Variants in PRKAA2 observed in about 807,000 individuals in gnomAD.
The protein encoded by PRKAA2 is 5'-AMP-activated protein kinase catalytic subunit alpha-2.
PRKAA2 carries 40 observed loss-of-function variants against 56.3 expected under a neutral mutation model. That is an observed-to-expected ratio of 0.71 (90% CI 0.55 to 0.92). The LOEUF (loss-of-function observed/expected upper bound fraction) is 0.92, where lower values mean the gene tolerates loss of function less well. Among genes scored for constraint, PRKAA2 ranks in the 40% least tolerant of loss-of-function variants. PRKAA2 has a pLI of 0.00. For synonymous variants in PRKAA2, 214 were observed against 234.2 expected, an observed-to-expected ratio of 0.91 and a Z score of 0.79; for missense variants, 542 against 686.9, an observed-to-expected ratio of 0.79 and a Z score of 2.36.
chr1:56,679,315 T>A (rs1644136756), intron 2 of PRKAA2, among the ~76,000 whole-genome samples: 1 of 152,200 alleles, frequency 6.6e-6, no homozygotes, highest in Non-Finnish European at 1.5e-5. Flanking sequence ...TCTGGCCCTT[T>A]TGTTTCTCCA....
At chr1:56,677,777 C>G (rs1644123932) in intron 2 of PRKAA2, among the ~76,000 whole-genome samples, 1 of 151,838 alleles carries the variant, frequency 6.6e-6, no homozygotes, top group African/African-American at 2.4e-5. Context: ...ATGCCTCAGC[C>G]TTCCAAGTAG....
rs934990918 is a variant in PRKAA2, at chr1:56,714,021, C to T, written c.*6308C>T. The stretch of plus-strand genomic sequence containing the variant: ...TGTTTGCATCTGCCTGATTGAGTTC[C>T]CTTGGTCAAACCTCTCCCTATCACT... On this transcript the variant is annotated 3_prime_UTR_variant, in exon 9 of 9. Transcript: ENST00000371244. 2.0e-5 allele frequency: 3 copies of T among 151,986 alleles called. No individual in the cohort carries two copies. Among genetic ancestry groups the T allele is most frequent in the Non-Finnish European group, 4.4e-5 (3 of 67,984 alleles). 9.4% of individuals were successfully genotyped at this position (151,986 alleles called of 1,614,324 possible).
intron 2 of PRKAA2, among the ~76,000 whole-genome samples, chr1:56,689,111 A>T (rs1213046280): frequency 6.6e-6 from 1 of 152,082 alleles, no homozygotes; most frequent in Non-Finnish European, 1.5e-5. Flanking sequence ...GAATGTCATC[A>T]CTTCTTTTCT....
chr1:56,678,693 A>ATTTTTTTTTTTT (rs144835366), intron 2 of PRKAA2, among the ~76,000 whole-genome samples: 1 of 123,484 alleles, frequency 8.1e-6, no homozygotes, highest in Non-Finnish European at 1.7e-5. Context: ...ATCTTGTCTA[A>ATTTTTTTTTTTT]TTTTTTTTTT....
At chr1:56,663,086 T>G (rs1644007541) in intron 1 of PRKAA2, among the ~76,000 whole-genome samples, 1 of 152,000 alleles carries the variant, frequency 6.6e-6, no homozygotes. Context: ...GTTTGTTTGT[T>G]GTTTTTTGTT....
At chr1:56,669,229 C>CA (rs1163104908) in intron 1 of PRKAA2, among the ~76,000 whole-genome samples, 1 of 152,112 alleles carries the variant, frequency 6.6e-6, no homozygotes, top group African/African-American at 2.4e-5. Context: ...GAGGCTAAGG[C>CA]AGGCAGATCA....
chr1:56,705,987 G>A (rs370265954), intron 7 of PRKAA2, 105 bp from the exon 8 acceptor site: 15 of 962,652 alleles, frequency 1.6e-5, no homozygotes, highest in South Asian at 8.8e-5. Flanking sequence ...AAAATTATTC[G>A]TATTCCTTTC....
intron 1 of PRKAA2, among the ~76,000 whole-genome samples, chr1:56,654,697 A>G (rs1643926885): frequency 6.6e-6 from 1 of 152,146 alleles, no homozygotes; most frequent in African/African-American, 2.4e-5. Context: ...TATTTTTAGT[A>G]TGGTGTTATT....
chr1:56,680,827 A>C (rs1463861635), intron 2 of PRKAA2, among the ~76,000 whole-genome samples: 2 of 152,208 alleles, frequency 1.3e-5, no homozygotes, highest in African/African-American at 4.8e-5. Flanking sequence ...ATACGTGTGC[A>C]TGTGTCTTTA....
chr1:56,645,502 C>G (rs773659062), intron 1 of PRKAA2, 21 bp downstream of exon 1: 7 of 1,456,860 alleles, frequency 4.8e-6, no homozygotes, highest in African/African-American at 4.5e-5. Context: ...CGCTCCGGAC[C>G]GCTGTGCGGG....
At chr1:56,686,689 A>G (rs1414380019) in intron 2 of PRKAA2, among the ~76,000 whole-genome samples, 1 of 152,044 alleles carries the variant, frequency 6.6e-6, no homozygotes, top group Non-Finnish European at 1.5e-5. Flanking sequence ...GAATTCACTT[A>G]TTACTGAGGC....
At chr1:56,673,486 G>C (rs1299041529) in intron 1 of PRKAA2, among the ~76,000 whole-genome samples, 1 of 152,140 alleles carries the variant, frequency 6.6e-6, no homozygotes, top group Non-Finnish European at 1.5e-5. Flanking sequence ...ATGTTTTGAG[G>C]AGAGTAGTGA....
intron 8 of PRKAA2, 33 bp downstream of exon 8, chr1:56,706,251 A>C (rs1382649281): frequency 1.6e-5 from 26 of 1,596,146 alleles, no homozygotes; most frequent in Admixed American, 3.5e-5. Context: ...AGCTCTGAGA[A>C]GATAAAACTT....
At chr1:56,701,099 T>A (rs1243468918) in intron 6 of PRKAA2, among the ~76,000 whole-genome samples, 1 of 152,240 alleles carries the variant, frequency 6.6e-6, no homozygotes, top group Non-Finnish European at 1.5e-5. Context: ...AAAGTTGATT[T>A]TCACAGTTTT....
At chr1:56,705,953 A>T in intron 7 of PRKAA2, 139 bp from the exon 8 acceptor site, 1 of 689,958 alleles carries the variant, frequency 1.4e-6, no homozygotes, top group South Asian at 2.0e-5. Flanking sequence ...AATAAATACT[A>T]AAGTGAACTA....
At chr1:56,661,835 T>C (rs1231220801) in intron 1 of PRKAA2, among the ~76,000 whole-genome samples, 1 of 152,078 alleles carries the variant, frequency 6.6e-6, no homozygotes, top group Non-Finnish European at 1.5e-5. Context: ...TGAGATGCAA[T>C]ACTTTTGAAT....
intron 5 of PRKAA2, among the ~76,000 whole-genome samples, chr1:56,695,417 G>A (rs996903224): frequency 1.4e-4 from 21 of 151,558 alleles, no homozygotes; most frequent in Non-Finnish European, 2.9e-5. Flanking sequence ...CCTCAAACTC[G>A]TAGCCTCAAG....
chr1:56,654,556 A>G (rs1643926118), intron 1 of PRKAA2, among the ~76,000 whole-genome samples: 1 of 152,212 alleles, frequency 6.6e-6, no homozygotes, highest in Non-Finnish European at 1.5e-5. Context: ...AAATCTACCT[A>G]GTGTATTTAT....
chr1:56,692,799 T>TG (rs1469948705), intron 4 of PRKAA2, among the ~76,000 whole-genome samples: 2 of 151,794 alleles, frequency 1.3e-5, no homozygotes, highest in Admixed American at 1.3e-4. Context: ...TTGTTTTTTT[T>TG]TTTTTTGAAG....
Sources: gnomAD v4.1 joint callset for allele counts (sites outside exome capture counted in the v4.1 genomes callset) on GRCh38, gnomAD v4.1.1 for gene constraint, MANE v1.5 for transcripts, NCBI Gene and HGNC (gene_info 2026-07-23, HGNC 2026-07-21) for gene names.